DIAPH2: variants seen among roughly 807,000 people sequenced by gnomAD.
DIAPH2 encodes the protein diaphanous related formin 2, also known as protein diaphanous homolog 2.
DIAPH2 carries 35 observed loss-of-function variants against 92.7 expected under a neutral mutation model. That is an observed-to-expected ratio of 0.38 (90% CI 0.29 to 0.50). The LOEUF is 0.50. Among genes scored for constraint, DIAPH2 ranks in the 20% least tolerant of loss-of-function variants. DIAPH2 has a pLI of 0.94. For missense variants in DIAPH2, 701 were observed against 819.5 expected, an observed-to-expected ratio of 0.86 and a Z score of 1.77; for synonymous variants, 301 against 280.4, an observed-to-expected ratio of 1.07 and a Z score of -0.73.
intron 17 of DIAPH2, among the ~76,000 whole-genome samples, chrX:97,023,309 G>T (rs898252643): frequency 1.5e-4 from 17 of 109,750 alleles, no homozygotes; most frequent in South Asian, 4.0e-4. Flanking sequence ...TCATGGTTTG[G>T]GTATCATTCT....
chrX:97,260,432 A>G (rs1293421344), intron 23 of DIAPH2, among the ~76,000 whole-genome samples: 1 of 112,367 alleles, frequency 8.9e-6, no homozygotes, highest in Non-Finnish European at 1.9e-5. Context: ...GAGATCTGAA[A>G]GATGAGTAAG....
chrX:97,359,681 G>C (rs937415102), intron 24 of DIAPH2, among the ~76,000 whole-genome samples: 1 of 104,128 alleles, frequency 9.6e-6, no homozygotes, highest in Non-Finnish European at 1.9e-5. Context: ...AGGCTCAAGC[G>C]ATTCTCCTGC....
At chrX:97,474,035 A>C (rs2070585034) in intron 26 of DIAPH2, among the ~76,000 whole-genome samples, 1 of 112,655 alleles carries the variant, frequency 8.9e-6, no homozygotes, top group Admixed American at 9.4e-5. Flanking sequence ...AGTTTTTTGC[A>C]ACATTGCCAC....
intron 3 of DIAPH2, among the ~76,000 whole-genome samples, chrX:96,750,161 G>A (rs979285240): frequency 4.9e-5 from 5 of 102,856 alleles, no homozygotes; most frequent in Non-Finnish European, 9.8e-5. Context: ...GGGTTCAAGC[G>A]ATTCTCTTGC....
chrX:96,992,277 G>T (rs750979583), intron 17 of DIAPH2, among the ~76,000 whole-genome samples: 4 of 111,538 alleles, frequency 3.6e-5, no homozygotes, highest in Non-Finnish European at 5.7e-5. Flanking sequence ...TGACTGGTTA[G>T]TTGGCATTAA....
chrX:97,311,897 G>T (rs1467062399), intron 23 of DIAPH2, among the ~76,000 whole-genome samples: 1 of 109,734 alleles, frequency 9.1e-6, no homozygotes, highest in East Asian at 2.9e-4. Flanking sequence ...GAACAATCTC[G>T]GCTCACTGCA....
At chrX:96,908,423 A>G (rs371970798) in intron 5 of DIAPH2, among the ~76,000 whole-genome samples, 11 of 110,991 alleles carry the variant, frequency 9.9e-5, no homozygotes, top group African/African-American at 3.3e-4. Flanking sequence ...GGGCTGAGAT[A>G]GTACAGAAAA....
At chrX:96,884,023 G>A (rs1321397886) in intron 5 of DIAPH2, 2 of 252,800 alleles carry the variant, frequency 7.9e-6, no homozygotes, top group East Asian at 1.3e-4. Flanking sequence ...CCTCGTGTGG[G>A]ACTTTTAGAA....
intron 25 of DIAPH2, among the ~76,000 whole-genome samples, chrX:97,419,702 T>G (rs1468601154): frequency 9.0e-6 from 1 of 111,701 alleles, no homozygotes; most frequent in Non-Finnish European, 1.9e-5. Context: ...GTGTGGAAAT[T>G]TCAATATAAA....
chrX:97,021,553 G>A (rs1057009390), intron 17 of DIAPH2, among the ~76,000 whole-genome samples: 4 of 111,538 alleles, frequency 3.6e-5, no homozygotes, highest in African/African-American at 1.3e-4. Context: ...AATGTGTTTA[G>A]ACTTAATATT....
At chrX:97,127,749 A>T (rs1006319186) in intron 21 of DIAPH2, among the ~76,000 whole-genome samples, 48 of 112,791 alleles carry the variant, frequency 4.3e-4, no homozygotes, top group African/African-American at 1.5e-3. Context: ...GCTCACGCCA[A>T]TAATCCCAGA....
At chrX:97,550,213 C>T (rs988972726) in intron 26 of DIAPH2, among the ~76,000 whole-genome samples, 19 of 111,214 alleles carry the variant, frequency 1.7e-4, no homozygotes, top group African/African-American at 6.2e-4. Flanking sequence ...ACAAAAATTA[C>T]CTGGGTGTGG....
intron 23 of DIAPH2, among the ~76,000 whole-genome samples, chrX:97,304,513 T>A (rs996839828): frequency 8.9e-6 from 1 of 112,159 alleles, no homozygotes; most frequent in Non-Finnish European, 1.9e-5. Flanking sequence ...AAGGCCCGGA[T>A]AGATATATTG....
At chrX:97,024,275 T>G (rs758296369) in intron 17 of DIAPH2, among the ~76,000 whole-genome samples, 2 of 112,545 alleles carry the variant, frequency 1.8e-5, no homozygotes, top group Admixed American at 1.9e-4. Context: ...GCATTTAATG[T>G]TATCAGTTAA....
At chrX:97,569,974 G>A (rs1272179518) in intron 26 of DIAPH2, among the ~76,000 whole-genome samples, 1 of 100,279 alleles carries the variant, frequency 1.0e-5, no homozygotes, top group Non-Finnish European at 2.0e-5. Flanking sequence ...AAAATGAAGG[G>A]TTGGATTTCA....
At chrX:97,082,652 A>G (rs1602329549) in intron 19 of DIAPH2, among the ~76,000 whole-genome samples, 1 of 110,527 alleles carries the variant, frequency 9.0e-6, no homozygotes, top group East Asian at 2.8e-4. Flanking sequence ...AAACAAACAA[A>G]CAAACAAAAA....
chrX:97,283,711 G>C (rs2068517339), intron 23 of DIAPH2, among the ~76,000 whole-genome samples: 3 of 112,718 alleles, frequency 2.7e-5, no homozygotes, highest in South Asian at 7.2e-4. Context: ...GGGAGGCCAA[G>C]GCGGGCGGAA....
intron 22 of DIAPH2, among the ~76,000 whole-genome samples, chrX:97,205,634 T>G (rs1437340984): frequency 9.0e-6 from 1 of 111,632 alleles, no homozygotes; most frequent in Admixed American, 9.5e-5. Flanking sequence ...GAATGATGAT[T>G]ATTTAAAAGT....
intron 26 of DIAPH2, among the ~76,000 whole-genome samples, chrX:97,523,360 A>G (rs1386691155): frequency 9.0e-6 from 1 of 111,685 alleles, no homozygotes; most frequent in Admixed American, 9.5e-5. Flanking sequence ...AAAGAATTCT[A>G]ACTAACCTCA....
Sources: allele counts gnomAD v4.1 joint callset (sites outside exome capture counted in the v4.1 genomes callset), GRCh38; gene constraint gnomAD v4.1.1; transcripts MANE v1.5; gene names NCBI Gene and HGNC (gene_info 2026-07-23, HGNC 2026-07-21).